CYTH1: variants seen among roughly 807,000 people sequenced by gnomAD.
The protein encoded by CYTH1 is cytohesin-1.
Under a neutral mutation model 61.8 loss-of-function variants are expected in CYTH1, and 18 were observed. The observed-to-expected ratio is 0.29, with a 90% CI of 0.20 to 0.43. The LOEUF (loss-of-function observed/expected upper bound fraction) is 0.43. CYTH1 is among the 20% of genes least tolerant of loss of function. The pLI is 1.00. For synonymous variants in CYTH1, 174 were observed against 184.3 expected (o/e 0.94, Z 0.45); for missense variants, 336 against 510.5 (o/e 0.66, Z 3.29).
chr17:78,781,896 C>T (rs1238009093), intron 1 of CYTH1, among the ~76,000 whole-genome samples: 1 of 151,548 alleles, frequency 6.6e-6, no homozygotes, highest in East Asian at 2.0e-4. Context: ...CCTCATTCCT[C>T]AGAGCTCGCG....
intron 11 of CYTH1, among the ~76,000 whole-genome samples, chr17:78,683,673 C>T (rs1207543315): frequency 6.6e-6 from 1 of 152,236 alleles, no homozygotes; most frequent in Non-Finnish European, 1.5e-5. Context: ...TAGAGTCCCT[C>T]ATCCAGAAAT....
chr17:78,684,488 G>A (rs2092796385), intron 11 of CYTH1, among the ~76,000 whole-genome samples: 1 of 152,236 alleles, frequency 6.6e-6, no homozygotes, highest in Non-Finnish European at 1.5e-5. Flanking sequence ...CCCCTGTGAA[G>A]AGGGAAATAA....
chr17:78,710,163 G>T (rs904415986), intron 1 of CYTH1, among the ~76,000 whole-genome samples: 2 of 152,302 alleles, frequency 1.3e-5, no homozygotes, highest in East Asian at 3.9e-4. Context: ...CCTGAGGTGG[G>T]GAGGGGAGGC....
chr17:78,685,620 T>C (rs1482445629), intron 11 of CYTH1, among the ~76,000 whole-genome samples: 1 of 152,222 alleles, frequency 6.6e-6, no homozygotes, highest in Non-Finnish European at 1.5e-5. Context: ...TAAGTATTAG[T>C]TCTGTATTTA....
At chr17:78,746,128 T>C (rs2093358648) in intron 1 of CYTH1, among the ~76,000 whole-genome samples, 1 of 152,048 alleles carries the variant, frequency 6.6e-6, no homozygotes, top group South Asian at 2.1e-4. Context: ...AAAAACTATA[T>C]ACACAATAAA....
chr17:78,727,456 G>A (rs1030148210), intron 1 of CYTH1, among the ~76,000 whole-genome samples: 7 of 152,190 alleles, frequency 4.6e-5, no homozygotes, highest in Admixed American at 4.6e-4. Flanking sequence ...AGTCCTTGAA[G>A]ATCTCTTGAA....
At chr17:78,683,120 G>T (rs975187989) in intron 11 of CYTH1, among the ~76,000 whole-genome samples, 2 of 152,038 alleles carry the variant, frequency 1.3e-5, no homozygotes, top group African/African-American at 4.8e-5. Flanking sequence ...ACCATGCTTT[G>T]AATTTCCAGG....
intron 7 of CYTH1, among the ~76,000 whole-genome samples, chr17:78,699,556 G>A (rs2144279737): frequency 6.6e-6 from 1 of 152,248 alleles, no homozygotes; most frequent in Admixed American, 6.5e-5. Context: ...AAAACACAAT[G>A]TGTTTAAAAC....
At chr17:78,677,161 C>T (rs1202460880) in intron 13 of CYTH1, 17 of 437,548 alleles carry the variant, frequency 3.9e-5, no homozygotes, top group Middle Eastern at 6.7e-4. Context: ...CACTGGGAAG[C>T]GGTCTGACCA....
At chr17:78,692,615 A>C in intron 10 of CYTH1, 122 bp from the exon 11 acceptor site, 1 of 798,270 alleles carries the variant, frequency 1.3e-6, no homozygotes, top group Non-Finnish European at 2.1e-6. Flanking sequence ...GAGAACGTGG[A>C]GCCCACAACA....
chr17:78,739,551 G>C (rs1461694347), intron 1 of CYTH1, among the ~76,000 whole-genome samples: 2 of 152,152 alleles, frequency 1.3e-5, no homozygotes, highest in African/African-American at 4.8e-5. Context: ...CAGAGGTGAG[G>C]AGGGTGGTAG....
intron 1 of CYTH1, among the ~76,000 whole-genome samples, chr17:78,715,451 A>T (rs2093172739): frequency 6.6e-6 from 1 of 152,180 alleles, no homozygotes; most frequent in Non-Finnish European, 1.5e-5. Context: ...TGAGGACAGC[A>T]AGCGCCATCA....
intron 1 of CYTH1, among the ~76,000 whole-genome samples, chr17:78,745,172 TG>T (rs2093355186): frequency 6.6e-6 from 1 of 152,140 alleles, no homozygotes; most frequent in Non-Finnish European, 1.5e-5. Flanking sequence ...CCGTGGAGCC[TG>T]GGAGCATTGG....
chr17:78,760,355 TTATATATATATATATATA>T (rs370393556), intron 1 of CYTH1, among the ~76,000 whole-genome samples: 1 of 52,272 alleles, frequency 1.9e-5, no homozygotes, highest in African/African-American at 7.2e-5. Flanking sequence ...AATAGCAGGT[TTATATATATATATATATA>T]TATATATATA....
intron 10 of CYTH1, among the ~76,000 whole-genome samples, chr17:78,694,129 C>T (rs982872008): frequency 6.6e-6 from 1 of 152,178 alleles, no homozygotes; most frequent in Non-Finnish European, 1.5e-5. Flanking sequence ...AAGAAAATGT[C>T]CAGCGTAGGT....
In CYTH1 at chr17:78,782,258, G is replaced by A. The variant is rs1371579031; in HGVS notation, c.-35C>T. ...GCCGGGCTCCGCGCTCCGGCTCGCC[G>A]CTCGCGTCCCGCCGCGCCACCCGCG... On this transcript the variant is annotated 5_prime_UTR_variant, in exon 1 of 14. Coordinates refer to ENST00000446868, the MANE Select transcript of CYTH1 (RefSeq NM_004762.6). The A allele has an allele frequency of 1.9e-4, 234 of 1,249,874 alleles. No individual in the cohort carries two copies. The highest frequency in any genetic ancestry group is 2.2e-4 in the Non-Finnish European group (221 of 983,902). The allele number at this position is 1,249,874 out of a possible 1,614,324, so 77.4% of individuals were successfully genotyped here. A position where few individuals can be genotyped will look rare whatever the true frequency, so the allele number is the denominator to read the frequency against.
intron 11 of CYTH1, among the ~76,000 whole-genome samples, chr17:78,683,787 A>G (rs896861900): frequency 1.2e-4 from 19 of 152,162 alleles, no homozygotes; most frequent in Admixed American, 2.0e-4. Flanking sequence ...TCTGTTTCCT[A>G]AACAGTTCTC....
intron 1 of CYTH1, among the ~76,000 whole-genome samples, chr17:78,744,715 CAT>C (rs2093353316): frequency 6.6e-6 from 1 of 152,138 alleles, no homozygotes; most frequent in Non-Finnish European, 1.5e-5. Flanking sequence ...CATTCCTTGA[CAT>C]AGGCTTACCT....
At chr17:78,687,599 C>T (rs190810715) in intron 11 of CYTH1, among the ~76,000 whole-genome samples, 3 of 152,198 alleles carry the variant, frequency 2.0e-5, no homozygotes, top group East Asian at 1.9e-4. Context: ...AAAGCTGAGG[C>T]GCTGGGGCAA....
Sources: gnomAD v4.1 joint callset for allele counts (sites outside exome capture counted in the v4.1 genomes callset) on GRCh38, gnomAD v4.1.1 for gene constraint, MANE v1.5 for transcripts, NCBI Gene and HGNC (gene_info 2026-07-23, HGNC 2026-07-21) for gene names.